ANO10: variants seen among roughly 807,000 people sequenced by gnomAD.
The protein encoded by ANO10 is anoctamin 10.
Under a neutral mutation model 74.7 loss-of-function variants are expected in ANO10, and 77 were observed. The ratio of observed to expected loss-of-function variants is 1.03; its 90% CI spans 0.86 to 1.25. ANO10 has a LOEUF of 1.25. Ranked by LOEUF, ANO10 falls within the 50% of genes most tolerant of loss-of-function variation. ANO10 has a pLI of 0.00. For synonymous variants in ANO10, 279 were observed against 284.9 expected (o/e 0.98, Z 0.21); for missense variants, 721 against 778.1 (o/e 0.93, Z 0.87).
Position 43,667,721 on chromosome 3 carries a change from C to A in ANO10, c.-12+23796G>T, listed in dbSNP as rs976559535. Among the ~76,000 whole-genome samples, 3 of 152,090 alleles carry A rather than the reference C, an allele frequency of 2.0e-5. No individual in the cohort carries two copies. In the South Asian group the frequency reaches 6.3e-4, roughly 32 times the overall value. On this transcript the variant is annotated intron_variant, in intron 1 of 3. Transcript: ENST00000413397. ...GGTTTTCTACTGCTGAGTTACTTCACTTAAAATTATGGCCTCCAGCTCTAT... is the reference window on the plus strand; with the variant it reads ...GGTTTTCTACTGCTGAGTTACTTCAATTAAAATTATGGCCTCCAGCTCTAT...
chr3:43,511,365 C>T (rs2077501665), intron 11 of ANO10, among the ~76,000 whole-genome samples: 1 of 152,134 alleles, frequency 6.6e-6, no homozygotes, highest in Non-Finnish European at 1.5e-5. Context: ...AACGTTTTAG[C>T]AATGTCCTAG....
At chr3:43,611,461 G>A (rs1306967789) in intron 1 of ANO10, among the ~76,000 whole-genome samples, 1 of 152,110 alleles carries the variant, frequency 6.6e-6, no homozygotes, top group Non-Finnish European at 1.5e-5. Context: ...TAGTGATTTG[G>A]ACTTTGGTTA....
chr3:43,659,950 G>C (rs1419195964), intron 1 of ANO10, among the ~76,000 whole-genome samples: 2 of 152,156 alleles, frequency 1.3e-5, no homozygotes, highest in African/African-American at 2.4e-5. Flanking sequence ...ACAGGGTCTG[G>C]AGTGGACATC....
At position 43,574,797 on chromosome 3, in the gene ANO10, C is replaced by T. The variant is rs756489815; in HGVS notation, c.1218+12G>A. On this transcript the variant is annotated intron_variant, in intron 7 of 12. Coordinates refer to ENST00000292246, the MANE Select transcript of ANO10 (RefSeq NM_018075.5). Reference sequence around the variant, plus strand: ...TTCATAAAATGGATTTGTACATAAACGCTGTACTTACCACTAAAACTTTCA... The same window carrying T: ...TTCATAAAATGGATTTGTACATAAATGCTGTACTTACCACTAAAACTTTCA... 1.4e-5 allele frequency: 23 copies of T among 1,608,722 alleles called. No homozygotes were observed. Among genetic ancestry groups the T allele is most frequent in the Admixed American group, 8.3e-5 (5 of 59,962 alleles).
intron 2 of ANO10, among the ~76,000 whole-genome samples, chr3:43,604,356 G>C (rs1000215492): frequency 9.9e-5 from 15 of 151,996 alleles, no homozygotes; most frequent in Non-Finnish European, 1.9e-4. Flanking sequence ...TAATTCCTGA[G>C]TCATTGTGGG....
At chr3:43,686,290 A>G (rs1332642268) in intron 1 of ANO10, among the ~76,000 whole-genome samples, 2 of 152,064 alleles carry the variant, frequency 1.3e-5, no homozygotes. Context: ...TAAAACTTTT[A>G]TTCTTTTTTT....
chr3:43,673,130 G>A (rs1186400014), intron 1 of ANO10, among the ~76,000 whole-genome samples: 3 of 152,184 alleles, frequency 2.0e-5, no homozygotes, highest in Non-Finnish European at 4.4e-5. Context: ...AATCAATGAT[G>A]GGTGAAAATT....
intron 12 of ANO10, among the ~76,000 whole-genome samples, chr3:43,377,054 T>G (rs1238290658): frequency 6.6e-6 from 1 of 152,216 alleles, no homozygotes; most frequent in Admixed American, 6.5e-5. Context: ...AAGACTTACA[T>G]AGCATGACTT....
intron 12 of ANO10, among the ~76,000 whole-genome samples, chr3:43,381,483 A>T (rs1274928222): frequency 6.6e-6 from 1 of 152,260 alleles, no homozygotes; most frequent in Admixed American, 6.5e-5. Flanking sequence ...GGGACATGAT[A>T]TAATGATAAA....
chr3:43,427,603 A>C (rs1412380245), intron 12 of ANO10, among the ~76,000 whole-genome samples: 1 of 152,188 alleles, frequency 6.6e-6, no homozygotes, highest in East Asian at 1.9e-4. Flanking sequence ...ACTTCACCCA[A>C]ATATGTTTTC....
intron 11 of ANO10, among the ~76,000 whole-genome samples, chr3:43,462,708 A>T (rs751555684): frequency 6.6e-6 from 1 of 152,232 alleles, no homozygotes; most frequent in African/African-American, 2.4e-5. Flanking sequence ...AAATGTCTCC[A>T]GAGCATGTCA....
intron 11 of ANO10, among the ~76,000 whole-genome samples, chr3:43,548,690 T>C (rs1020663388): frequency 2.0e-5 from 3 of 152,250 alleles, no homozygotes; most frequent in South Asian, 2.1e-4. Context: ...TCTGCTTTTA[T>C]AGAGTTCCAT....
At chr3:43,500,223 C>A (rs1208440286) in intron 11 of ANO10, among the ~76,000 whole-genome samples, 2 of 152,112 alleles carry the variant, frequency 1.3e-5, no homozygotes, top group South Asian at 2.1e-4. Flanking sequence ...TGACAATGCA[C>A]AAATTTTCCA....
At chr3:43,368,788 C>A (rs939954578) in intron 12 of ANO10, among the ~76,000 whole-genome samples, 14 of 151,816 alleles carry the variant, frequency 9.2e-5, no homozygotes, top group Admixed American at 2.0e-4. Context: ...CTCAAGGGAT[C>A]CTCCTGCCTC....
intron 11 of ANO10, among the ~76,000 whole-genome samples, chr3:43,504,191 C>A (rs1229626854): frequency 6.6e-6 from 1 of 151,926 alleles, no homozygotes; most frequent in African/African-American, 2.4e-5. Context: ...TCACTTGAAC[C>A]CAGGAAGCGG....
At chr3:43,617,242 C>CT (rs2149533540) in intron 1 of ANO10, among the ~76,000 whole-genome samples, 1 of 150,920 alleles carries the variant, frequency 6.6e-6, no homozygotes, top group East Asian at 1.9e-4. Context: ...TAGCACAAAC[C>CT]TTATGGTTCC....
chr3:43,473,232 G>A (rs917809483), intron 11 of ANO10, among the ~76,000 whole-genome samples: 1 of 151,908 alleles, frequency 6.6e-6, no homozygotes, highest in Non-Finnish European at 1.5e-5. Context: ...ATGTCTCTCT[G>A]GTCTCTTTTA....
chr3:43,433,359 G>C (rs1209408308), intron 11 of ANO10, among the ~76,000 whole-genome samples: 1 of 152,082 alleles, frequency 6.6e-6, no homozygotes, highest in Admixed American at 6.6e-5. Context: ...CTCTTTTCTA[G>C]AAACGCATCT....
chr3:43,367,082 G>C, intron 12 of ANO10, 108 bp from the exon 13 acceptor site: 5 of 1,060,614 alleles, frequency 4.7e-6, no homozygotes, highest in Non-Finnish European at 7.1e-6. Flanking sequence ...CAGGGAAGTG[G>C]TGACTCTGAT....
Sources: gnomAD v4.1 joint callset for allele counts (sites outside exome capture counted in the v4.1 genomes callset) on GRCh38, gnomAD v4.1.1 for gene constraint, MANE v1.5 for transcripts, NCBI Gene and HGNC (gene_info 2026-07-23, HGNC 2026-07-21) for gene names.